Variants in DGKK observed in about 807,000 individuals in gnomAD.
DGKK encodes the protein 142 kDa diacylglycerol kinase.
A neutral mutation model predicts 92.2 loss-of-function variants in DGKK; 35 were observed. The ratio of observed to expected loss-of-function variants is 0.38; its 90% CI spans 0.29 to 0.50. The LOEUF is 0.50. DGKK is among the 20% of genes least tolerant of loss of function. DGKK has a pLI of 0.92. For synonymous variants in DGKK, 368 were observed against 360.6 expected, an observed-to-expected ratio of 1.02 and a Z score of -0.23; for missense variants, 910 against 992.2, an observed-to-expected ratio of 0.92 and a Z score of 1.11.
intron 1 of DGKK, among the ~76,000 whole-genome samples, chrX:50,464,393 T>C (rs934308293): frequency 2.7e-5 from 3 of 109,467 alleles, no homozygotes; most frequent in Non-Finnish European, 5.7e-5. Context: ...CCCGCGCCCC[T>C]GCTTCTTGGA....
intron 1 of DGKK, among the ~76,000 whole-genome samples, chrX:50,457,840 C>T (rs1241250626): frequency 1.8e-5 from 2 of 111,450 alleles, no homozygotes; most frequent in Non-Finnish European, 3.8e-5. Flanking sequence ...TTGTCAGGAA[C>T]ACAATCCCCA....
At chrX:50,404,358 G>A (rs911001254) in intron 4 of DGKK, among the ~76,000 whole-genome samples, 174 bp from the exon 5 acceptor site, 2 of 109,891 alleles carry the variant, frequency 1.8e-5, no homozygotes, top group Admixed American at 9.7e-5. Context: ...CTTTGTGTGC[G>A]TTTTTGTTTG....
intron 1 of DGKK, among the ~76,000 whole-genome samples, chrX:50,425,869 A>G (rs562631099): frequency 3.6e-5 from 4 of 111,981 alleles, no homozygotes; most frequent in African/African-American, 1.3e-4. Context: ...AACAACTGCT[A>G]TAAGCATTAA....
At chrX:50,451,964 G>T (rs1038748003) in intron 1 of DGKK, among the ~76,000 whole-genome samples, 3 of 112,164 alleles carry the variant, frequency 2.7e-5, no homozygotes, top group Non-Finnish European at 3.8e-5. Context: ...AGCAAGTATA[G>T]CATTTGCTTG....
chrX:50,431,504 T>C (rs1557230302), intron 1 of DGKK, among the ~76,000 whole-genome samples: 1 of 111,640 alleles, frequency 9.0e-6, no homozygotes, highest in East Asian at 2.8e-4. Flanking sequence ...CTCTTGTTGC[T>C]CTTGTGTAGG....
chrX:50,461,582 CTA>C (rs1926747885), intron 1 of DGKK, among the ~76,000 whole-genome samples: 1 of 111,695 alleles, frequency 9.0e-6, no homozygotes, highest in Non-Finnish European at 1.9e-5. Context: ...AGAGAACTGA[CTA>C]TTAATAGTGA....
intron 4 of DGKK, among the ~76,000 whole-genome samples, chrX:50,414,753 G>A (rs1272656175): frequency 9.0e-6 from 1 of 111,635 alleles, no homozygotes; most frequent in East Asian, 2.8e-4. Flanking sequence ...CCCACTATTT[G>A]ATAAGGAGAT....
chrX:50,379,872 T>C (rs1288137425), intron 19 of DGKK, 109 bp downstream of exon 19: 1 of 910,036 alleles, frequency 1.1e-6, no homozygotes, highest in African/African-American at 1.9e-5. Flanking sequence ...CCATGAGCTG[T>C]GAGGATCACA....
intron 1 of DGKK, among the ~76,000 whole-genome samples, chrX:50,441,551 T>C (rs1370802911): frequency 1.8e-5 from 2 of 111,788 alleles, no homozygotes; most frequent in African/African-American, 6.5e-5. Context: ...AAAAAAAGCA[T>C]CAAGCACACG....
At chrX:50,402,126 G>A (rs1293055851) in intron 7 of DGKK, among the ~76,000 whole-genome samples, 7 of 111,908 alleles carry the variant, frequency 6.3e-5, no homozygotes, top group African/African-American at 9.8e-5. Context: ...GAGTGTGGTC[G>A]GCTGGGAACG....
intron 1 of DGKK, among the ~76,000 whole-genome samples, chrX:50,462,197 A>C (rs1926762120): frequency 9.0e-6 from 1 of 110,972 alleles, no homozygotes; most frequent in Non-Finnish European, 1.9e-5. Flanking sequence ...CTTTCTTGGG[A>C]GTGTTGCCTA....
intron 4 of DGKK, among the ~76,000 whole-genome samples, chrX:50,410,863 C>T (rs1925286196): frequency 9.0e-6 from 1 of 111,623 alleles, no homozygotes; most frequent in Admixed American, 9.5e-5. Flanking sequence ...GAAGTCCACT[C>T]CTGTCTTGTC....
In DGKK at chrX:50,368,904, A is replaced by C. The variant is rs782325626; in HGVS notation, c.*36T>G. 1 of 1,153,613 alleles carries C rather than the reference A, an allele frequency of 8.7e-7. No homozygotes were observed. Among genetic ancestry groups the C allele is most frequent in the African/African-American group, 1.8e-5 (1 of 55,624 alleles). ...AGGTTTTGAGAGTTTTTTTAGTAGAATTCTCAATGTTGTGAGTTCTTCCAG... is the reference window on the plus strand; with the variant it reads ...AGGTTTTGAGAGTTTTTTTAGTAGACTTCTCAATGTTGTGAGTTCTTCCAG... On this transcript the variant is annotated 3_prime_UTR_variant, in exon 28 of 28. Coordinates refer to ENST00000611977, the MANE Select transcript of DGKK (RefSeq NM_001013742.4).
chrX:50,422,597 A>AACACACAC lies in DGKK; in HGVS notation c.757-79_757-72dup, dbSNP rs59226442. 3,035 of 350,431 alleles carry AACACACAC rather than the reference A, an allele frequency of 8.7e-3. 98 individuals carry two copies. Among genetic ancestry groups the AACACACAC allele is most frequent in the African/African-American group, 0.075 (2,313 of 30,994 alleles). 28.9% of individuals were successfully genotyped at this position (350,431 alleles called of 1,213,427 possible). On this transcript the variant is annotated intron_variant, in intron 2 of 27. Transcript: ENST00000611977. Reference sequence around the variant, plus strand: ...TGATGCAAAGAGACATTAAAAGGTAAACACACACACACACACACACACACA... The same window carrying AACACACAC: ...TGATGCAAAGAGACATTAAAAGGTAAACACACACACACACACACACACACACACACACA...
At chrX:50,462,160 C>T (rs1252526686) in intron 1 of DGKK, among the ~76,000 whole-genome samples, 1 of 111,453 alleles carries the variant, frequency 9.0e-6, no homozygotes, top group Non-Finnish European at 1.9e-5. Context: ...AGGTTTGCCT[C>T]CTAATTCTTT....
chrX:50,390,504 T>A, intron 11 of DGKK, 95 bp from the exon 12 acceptor site: 1 of 729,740 alleles, frequency 1.4e-6, no homozygotes, highest in Non-Finnish European at 2.0e-6. Context: ...AAAATGTTTA[T>A]GTGGTGGGGG....
In DGKK at chrX:50,401,220, C is replaced by T. The variant is rs781802400; in HGVS notation, c.1309-81G>A. ...CATTGATCAGTCTTGAGTTCCAATA[C>T]CAAGATTTAGATTCTTAGTATTTAA... On this transcript the variant is annotated intron_variant, in intron 7 of 27. Coordinates refer to ENST00000611977, the MANE Select transcript of DGKK (RefSeq NM_001013742.4). 6 of 871,005 alleles carry T rather than the reference C, an allele frequency of 6.9e-6. No homozygotes were observed. In the South Asian group the frequency reaches 1.3e-4, roughly 19 times the overall value. The allele number at this position is 871,005 out of a possible 1,213,427, so 71.8% of individuals were successfully genotyped here.
At chrX:50,435,736 T>TGA (rs782053248) in intron 1 of DGKK, among the ~76,000 whole-genome samples, 57 of 105,887 alleles carry the variant, frequency 5.4e-4, no homozygotes, top group African/African-American at 8.9e-4. Context: ...TGTGTGTGTA[T>TGA]GAGAGAGAGA....
At chrX:50,464,379 A>AC (rs1374578979) in intron 1 of DGKK, among the ~76,000 whole-genome samples, 1 of 107,412 alleles carries the variant, frequency 9.3e-6, no homozygotes, top group African/African-American at 3.4e-5. Flanking sequence ...TCCCTCCCGC[A>AC]CCCCCCGCGC....
Sources: gnomAD v4.1 joint callset for allele counts (sites outside exome capture counted in the v4.1 genomes callset) on GRCh38, gnomAD v4.1.1 for gene constraint, MANE v1.5 for transcripts, NCBI Gene and HGNC (gene_info 2026-07-23, HGNC 2026-07-21) for gene names.